The following JMJD1C variants were observed in gnomAD, a reference collection of about 807,000 sequenced individuals.
JMJD1C encodes the protein jumonji domain containing 1C.
JMJD1C carries 31 observed loss-of-function variants against 245.3 expected under a neutral mutation model. That is an observed-to-expected ratio of 0.13 (90% CI 0.09 to 0.17). The LOEUF (loss-of-function observed/expected upper bound fraction) is 0.17, where lower values mean the gene tolerates loss of function less well. JMJD1C is among the 10% of genes least tolerant of loss of function. JMJD1C has a pLI of 1.00. For synonymous variants in JMJD1C, 1,057 were observed against 1,017.4 expected (o/e 1.04, Z -0.74); for missense variants, 2,691 against 3,000.2 (o/e 0.90, Z 2.41).
In JMJD1C at chr10:63,186,477, T is replaced by TA. The variant is rs1356238324; in HGVS notation, c.6571-95dup. 2.3e-5 allele frequency: 24 copies of TA among 1,041,686 alleles called. No individual in the cohort carries two copies. The Admixed American group carries it at 4.0e-4, about 17-fold the overall frequency. 64.5% of individuals were successfully genotyped at this position (1,041,686 alleles called of 1,614,324 possible). On this transcript the variant is annotated intron_variant, in intron 18 of 25. Coordinates refer to ENST00000399262, the MANE Select transcript of JMJD1C (RefSeq NM_032776.3). ...TGTTTGAGACAGAGTCTTGCTCTCT[T>TA]ACCCAGGCTGGAGAGCAGTGGCCTC...
chr10:63,484,864 A>G (rs1398879336), intron 1 of JMJD1C, among the ~76,000 whole-genome samples: 1 of 151,796 alleles, frequency 6.6e-6, no homozygotes, highest in Non-Finnish European at 1.5e-5. Flanking sequence ...GGAAGGAAAC[A>G]CTCACCTTTC....
Position 63,186,359 on chromosome 10 carries a change from T to C in JMJD1C, c.6595A>G (p.Lys2199Glu). 1 of 1,612,476 alleles carries C rather than the reference T, an allele frequency of 6.2e-7. No homozygotes were observed. The highest frequency in any genetic ancestry group is 8.5e-7 in the Non-Finnish European group (1 of 1,179,314). The stretch of plus-strand genomic sequence containing the variant: ...TTCCATAGGCTAATGTTCATTTTCT[T>C]ATGCACACCAGAAACCACTGCAGGC... The part of the protein sequence containing the change: ...GQPAVVSGVH[K>E]KMNISLWKAE... Residue 2199 changes from lysine to glutamate, a missense_variant, in exon 19 of 26, where the codon AAG (lysine) becomes GAG (glutamate). Lys to Glu is a moderately conservative substitution (Grantham distance 56, BLOSUM62 1). Coordinates refer to ENST00000399262, the MANE Select transcript of JMJD1C (RefSeq NM_032776.3).
rs892187073 is a variant in JMJD1C at position 63,203,553 on chromosome 10, T to C, written c.5075-2876A>G. On this transcript the variant is annotated intron_variant, in intron 10 of 25. Coordinates refer to ENST00000399262, the MANE Select transcript of JMJD1C (RefSeq NM_032776.3). Reference sequence around the variant, plus strand: ...CACTGGTTTTGTATTGTAGAATTTATATATTTGAATATAGTGGCAATTTCA... The same window carrying C: ...CACTGGTTTTGTATTGTAGAATTTACATATTTGAATATAGTGGCAATTTCA... The C allele has an allele frequency of 7.3e-6, 7 of 961,850 alleles. No homozygotes were observed. In the East Asian group the frequency reaches 4.6e-4, roughly 63 times the overall value. 59.6% of individuals were successfully genotyped at this position (961,850 alleles called of 1,614,324 possible).
intron 3 of JMJD1C, among the ~76,000 whole-genome samples, chr10:63,224,481 C>T (rs1177087402): frequency 1.1e-4 from 16 of 152,168 alleles, no homozygotes; most frequent in Admixed American, 6.5e-5. Context: ...ACATATAGTA[C>T]TTTGTAAGTT....
intron 3 of JMJD1C, among the ~76,000 whole-genome samples, chr10:63,251,615 G>A (rs1455220763): frequency 6.6e-6 from 1 of 152,164 alleles, no homozygotes; most frequent in Non-Finnish European, 1.5e-5. Context: ...GACTCAGGAG[G>A]AAGCAGAACT....
At position 63,264,771 on chromosome 10, in the gene JMJD1C, AG is replaced by A; in HGVS notation, c.334-8del. 7.3e-7 allele frequency: 1 copy of A among 1,365,148 alleles called. No homozygotes were observed. The highest frequency in any genetic ancestry group is 1.0e-6 in the Non-Finnish European group (1 of 972,982). 84.6% of individuals were successfully genotyped at this position (1,365,148 alleles called of 1,614,324 possible). A position where few individuals can be genotyped will look rare whatever the true frequency, so the allele number is the denominator to read the frequency against. ...CAACCAGAGGTTTGAAAGTCTGCCAAGAAAAAAAAAATTTCTAATGATAATT... is the reference window on the plus strand; with the variant it reads ...CAACCAGAGGTTTGAAAGTCTGCCAAAAAAAAAAAATTTCTAATGATAATT... On this transcript the variant is annotated splice_polypyrimidine_tract_variant and splice_region_variant and intron_variant, in intron 2 of 25. Transcript: ENST00000399262.
rs35442695 is a variant in JMJD1C, at chr10:63,277,731, C to CTTTTTTTTTTTTTTTTTTTTTTTT, written c.334-12991_334-12968dup. Among the ~76,000 whole-genome samples, 15 of 64,274 alleles carry CTTTTTTTTTTTTTTTTTTTTTTTT rather than the reference C, an allele frequency of 2.3e-4. 2 individuals carry two copies. The highest frequency in any genetic ancestry group is 7.1e-4 in the African/African-American group (10 of 14,168). 42.2% of individuals were successfully genotyped at this position (64,274 alleles called of 152,430 possible). A position where few individuals can be genotyped will look rare whatever the true frequency, so the allele number is the denominator to read the frequency against. On this transcript the variant is annotated intron_variant, in intron 2 of 25. Coordinates refer to ENST00000399262, the MANE Select transcript of JMJD1C (RefSeq NM_032776.3). ...TATTCATTGAGAGTAATTTGCATTT[C>CTTTTTTTTTTTTTTTTTTTTTTTT]TTTTTTTTTTTTTTTTTTTTTTTTG...
At position 63,264,680 on chromosome 10, in the gene JMJD1C, T is replaced by C. The variant is rs1291467140; in HGVS notation, c.418A>G (p.Thr140Ala). The change falls in exon 3 of 26, where the codon ACT (threonine) becomes GCT (alanine). Residue 140 changes from threonine (T) to alanine (A), a missense_variant. Physicochemically the swap from Thr to Ala is moderately conservative, Grantham distance 58 (BLOSUM62 0). Around this residue, in one of 9 missense-constraint regions of JMJD1C, gnomAD observed 172 missense variants for 240.8 expected, o/e 0.71. Coordinates refer to ENST00000399262, the MANE Select transcript of JMJD1C (RefSeq NM_032776.3). Reference sequence around the variant, plus strand: ...TAGGGCTGAAAGGCACTATCTTCAGTTAAAAAATCCAGTTGCTTATCTACA... The same window carrying C: ...TAGGGCTGAAAGGCACTATCTTCAGCTAAAAAATCCAGTTGCTTATCTACA... Reference protein sequence around the residue: ...FLVDKQLDFLTEDSAFQPYQD... With the variant: ...FLVDKQLDFLAEDSAFQPYQD... 4 of 1,577,478 alleles carry C rather than the reference T, an allele frequency of 2.5e-6. No homozygotes were observed. Among genetic ancestry groups the C allele is most frequent in the Non-Finnish European group, 8.7e-7 (1 of 1,155,984 alleles).
chr10:63,362,209 C>T (rs377089395), intron 2 of JMJD1C, among the ~76,000 whole-genome samples: 13 of 147,720 alleles, frequency 8.8e-5, no homozygotes, highest in African/African-American at 1.2e-4. Flanking sequence ...CACTCCAGCA[C>T]GCGCAACAGA....
chr10:63,203,872 A>C, intron 10 of JMJD1C: 1 of 982,396 alleles, frequency 1.0e-6, no homozygotes, highest in Non-Finnish European at 1.2e-6. Flanking sequence ...TTTTTGATTG[A>C]CCATGACTGA....
In JMJD1C at chr10:63,176,387, T is replaced by C; in HGVS notation, c.7311A>G (p.Gln2437=). 6.2e-7 allele frequency: 1 copy of C among 1,614,052 alleles called. No individual in the cohort carries two copies. Among genetic ancestry groups the C allele is most frequent in the South Asian group, 1.1e-5 (1 of 91,086 alleles). The change falls in exon 24 of 26, where the codon CAA becomes CAG. Residue 2437 remains glutamine (Q), a synonymous_variant. Transcript: ENST00000399262. ...TGACTCCATATTCTTCAAGCAGCCT[T>C]TGACGGAGCTTTTTGTTCACATACC... ...QSWYVNKKLR[Q]RLLEEYGVRT... is the part of the protein sequence containing the mutation.
At chr10:63,228,078 G>T (rs539671356) in intron 3 of JMJD1C, among the ~76,000 whole-genome samples, 12 of 152,212 alleles carry the variant, frequency 7.9e-5, no homozygotes, top group African/African-American at 2.9e-4. Context: ...AGGCTTCCAT[G>T]TATTTTCATG....
intron 3 of JMJD1C, among the ~76,000 whole-genome samples, chr10:63,246,097 A>G (rs1180847076): frequency 6.6e-6 from 1 of 152,242 alleles, no homozygotes; most frequent in Non-Finnish European, 1.5e-5. Flanking sequence ...TTACCTAAAA[A>G]GACCAAATCT....
intron 1 of JMJD1C, among the ~76,000 whole-genome samples, chr10:63,463,217 T>C (rs986948848): frequency 6.6e-6 from 1 of 152,166 alleles, no homozygotes; most frequent in African/African-American, 2.4e-5. Context: ...CAGGCTAGAG[T>C]GCAGTGGCAT....
intron 5 of JMJD1C, 75 bp downstream of exon 5, chr10:63,217,132 T>A: frequency 7.8e-7 from 1 of 1,284,662 alleles, no homozygotes; most frequent in Non-Finnish European, 1.1e-6. Context: ...AGTATCAAAT[T>A]GTTGATGTAT....
rs71025169 is a variant in JMJD1C at position 63,387,629 on chromosome 10, A to ATTT, written c.169-7150_169-7148dup. ...AGTCAGAAGAAAAAAGAAAAAAAAA[A>ATTT]TTTTTTTTTTTTTTTTTTTTTTTTG... On this transcript the variant is annotated intron_variant, in intron 1 of 25. Coordinates refer to ENST00000399262, the MANE Select transcript of JMJD1C (RefSeq NM_032776.3). Among the ~76,000 whole-genome samples, 273 of 37,846 alleles carry ATTT rather than the reference A, an allele frequency of 7.2e-3. 30 individuals carry two copies. Among genetic ancestry groups the ATTT allele is most frequent in the African/African-American group, 0.022 (185 of 8,300 alleles). The allele number at this position is 37,846 out of a possible 152,430, so 24.8% of individuals were successfully genotyped here.
intron 1 of JMJD1C, among the ~76,000 whole-genome samples, chr10:63,490,693 C>T (rs1038350758): frequency 6.6e-6 from 1 of 152,106 alleles, no homozygotes; most frequent in Non-Finnish European, 1.5e-5. Flanking sequence ...GGATTACAGG[C>T]GTGAGCCACC....
rs1350771899 is a variant in JMJD1C at position 63,465,480 on chromosome 10, C to T, written c.168+15G>A. ...CGGGCGCGGCAGGGGAAAAGGGGGG[C>T]GCTGACTCTCTTACCGCCAGGTCCG... On this transcript the variant is annotated intron_variant, in intron 1 of 25. Coordinates refer to ENST00000399262, the MANE Select transcript of JMJD1C (RefSeq NM_032776.3). The T allele has an allele frequency of 1.9e-6, 3 of 1,585,872 alleles. No individual in the cohort carries two copies. Among genetic ancestry groups the T allele is most frequent in the Non-Finnish European group, 2.6e-6 (3 of 1,169,196 alleles).
intron 1 of JMJD1C, among the ~76,000 whole-genome samples, chr10:63,475,567 T>C (rs72837043): frequency 3.3e-5 from 5 of 152,156 alleles, no homozygotes; most frequent in Admixed American, 1.3e-4. Context: ...ACCAAAACAA[T>C]AGAGGTCTCC....
Sources: allele counts gnomAD v4.1 joint callset (sites outside exome capture counted in the v4.1 genomes callset), GRCh38; gene constraint gnomAD v4.1.1; regional missense constraint gnomAD v4.1.1; transcripts MANE v1.5; gene names NCBI Gene and HGNC (gene_info 2026-07-23, HGNC 2026-07-21).